Variants in BRWD1 observed in about 807,000 individuals in gnomAD.
BRWD1 encodes bromodomain and WD repeat-containing protein 1.
In BRWD1, 82 loss-of-function variants were observed where a neutral mutation model predicts 251.2. The observed-to-expected ratio is 0.33, with a 90% CI of 0.27 to 0.39. The LOEUF is 0.39. Among genes scored for constraint, BRWD1 ranks in the 10% least tolerant of loss-of-function variants. BRWD1 has a pLI of 1.00. For missense variants in BRWD1, 2,233 were observed against 2,711.6 expected (o/e 0.82, Z 3.92); for synonymous variants, 918 against 902.8 (o/e 1.02, Z -0.30).
intron 15 of BRWD1, among the ~76,000 whole-genome samples, chr21:39,266,225 A>G (rs1004666949): frequency 6.6e-6 from 1 of 152,174 alleles, no homozygotes; most frequent in Non-Finnish European, 1.5e-5. Context: ...AGTTACTCGG[A>G]TATTCAGAGG....
At chr21:39,224,705 AT>A (rs2033311528) in intron 28 of BRWD1, among the ~76,000 whole-genome samples, 1 of 152,214 alleles carries the variant, frequency 6.6e-6, no homozygotes, top group African/African-American at 2.4e-5. Flanking sequence ...AAGACAAGGC[AT>A]GAAGCCCTTG....
rs1160190967 is a variant in BRWD1, at chr21:39,212,669, C to T, written c.3897G>A (p.Arg1299=). 2 of 1,574,812 alleles carry T rather than the reference C, an allele frequency of 1.3e-6. No homozygotes were observed. The highest frequency in any genetic ancestry group is 8.7e-7 in the Non-Finnish European group (1 of 1,148,586). The change falls in exon 34 of 41, where the codon AGG becomes AGA. Residue 1299 remains arginine (R), a synonymous_variant. Coordinates refer to ENST00000342449, the MANE Select transcript of BRWD1 (RefSeq NM_033656.4). ...SDLPKTSSGR[R]RVHDGKKSIR... is the part of the protein sequence containing the mutation. The stretch of plus-strand genomic sequence containing the variant: ...TCAACCATGCAGAGTAACTTACTCT[C>T]CTCCTTCCAGAAGATGTTTTAGGAA...
intron 4 of BRWD1, among the ~76,000 whole-genome samples, chr21:39,311,123 G>A (rs369418989): frequency 6.6e-6 from 1 of 151,510 alleles, no homozygotes; most frequent in Non-Finnish European, 1.5e-5. Flanking sequence ...TAGTAAGTAG[G>A]GTTTTAAGCA....
In BRWD1 at chr21:39,187,768, G is replaced by C; in HGVS notation, c.*8491C>G. Reference sequence around the variant, plus strand: ...TAACTTCATTGTTCCAGTATTTTCTGACCTAGGTATGTGACACACGAGATT... The same window carrying C: ...TAACTTCATTGTTCCAGTATTTTCTCACCTAGGTATGTGACACACGAGATT... On this transcript the variant is annotated 3_prime_UTR_variant, in exon 41 of 41. Coordinates refer to ENST00000342449, the MANE Select transcript of BRWD1 (RefSeq NM_033656.4). The C allele has an allele frequency of 1.0e-6, 1 of 984,928 alleles. No individual in the cohort carries two copies. The highest frequency in any genetic ancestry group is 1.2e-6 in the Non-Finnish European group (1 of 829,616). 61.0% of individuals were successfully genotyped at this position (984,928 alleles called of 1,614,324 possible).
At chr21:39,292,075 G>C (rs1343885615) in intron 8 of BRWD1, among the ~76,000 whole-genome samples, 1 of 139,208 alleles carries the variant, frequency 7.2e-6, no homozygotes, top group South Asian at 2.4e-4. Flanking sequence ...CAGGAGTACC[G>C]AGACTACAGG....
At chr21:39,308,377 G>A (rs901688223) in intron 4 of BRWD1, among the ~76,000 whole-genome samples, 1 of 151,648 alleles carries the variant, frequency 6.6e-6, no homozygotes. Context: ...AGCTACTCAG[G>A]AGGCTGAGGC....
At chr21:39,219,775 T>C (rs374119602) in intron 29 of BRWD1, 97 of 152,358 alleles carry the variant, frequency 6.4e-4, no homozygotes, top group African/African-American at 2.3e-3. Flanking sequence ...AGCTGAGAGA[T>C]GGGAATTTTT....
chr21:39,226,315 C>G (rs1401908631), intron 27 of BRWD1, among the ~76,000 whole-genome samples: 3 of 152,090 alleles, frequency 2.0e-5, no homozygotes, highest in Non-Finnish European at 1.5e-5. Context: ...AAAATGAAAA[C>G]AAGCAACTTC....
intron 22 of BRWD1, 136 bp downstream of exon 22, chr21:39,238,343 G>T: frequency 5.6e-6 from 3 of 537,202 alleles, no homozygotes; most frequent in East Asian, 6.9e-5. Context: ...GTTGGATCTA[G>T]TTTTTGTCTC....
At chr21:39,208,014 CT>C (rs1455173542) in intron 36 of BRWD1, among the ~76,000 whole-genome samples, 3 of 152,100 alleles carry the variant, frequency 2.0e-5, no homozygotes, top group Non-Finnish European at 4.4e-5. Flanking sequence ...GAAATTACTG[CT>C]TGATGGTTAC....
intron 21 of BRWD1, 30 bp from the exon 22 acceptor site, chr21:39,238,603 G>T: frequency 6.7e-7 from 1 of 1,486,874 alleles, no homozygotes; most frequent in Non-Finnish European, 9.4e-7. Flanking sequence ...AAAAAATCTT[G>T]ATCCCTGAAG....
chr21:39,243,736 GA>G lies in BRWD1; in HGVS notation c.2481+3964del, dbSNP rs1568907545. Among the ~76,000 whole-genome samples the G allele has an allele frequency of 2.0e-5, 3 of 152,088 alleles. No individual in the cohort carries two copies. The East Asian group carries it at 5.8e-4, about 29-fold the overall frequency. ...AAAGTGCTGAGAATTACAGGCATGA[GA>G]CACTGCACCCAGCCTGATTTTGATA... On this transcript the variant is annotated intron_variant, in intron 21 of 40. Transcript: ENST00000342449.
chr21:39,293,254 G>A (rs781712693), intron 8 of BRWD1, among the ~76,000 whole-genome samples: 3 of 152,078 alleles, frequency 2.0e-5, no homozygotes, highest in Non-Finnish European at 4.4e-5. Flanking sequence ...CAGCACTTTG[G>A]GAGGCTGAGC....
chr21:39,216,036 A>G (rs2032877528), intron 31 of BRWD1, among the ~76,000 whole-genome samples: 1 of 152,146 alleles, frequency 6.6e-6, no homozygotes, highest in South Asian at 2.1e-4. Flanking sequence ...TAAGAGCTTC[A>G]GTTTCACTGT....
intron 39 of BRWD1, 36 bp from the exon 40 acceptor site, chr21:39,199,698 T>C: frequency 1.3e-6 from 2 of 1,496,978 alleles, no homozygotes; most frequent in Non-Finnish European, 1.8e-6. Flanking sequence ...TAAAAAGATT[T>C]TCCTTATTTC....
intron 4 of BRWD1, among the ~76,000 whole-genome samples, chr21:39,310,209 G>C (rs118131080): frequency 1.3e-5 from 2 of 152,120 alleles, no homozygotes; most frequent in African/African-American, 4.8e-5. Context: ...TAGCAAGTTA[G>C]TAACTTTCAA....
chr21:39,198,855 A>G lies in BRWD1; in HGVS notation c.5561T>C (p.Ile1854Thr), dbSNP rs968858816. 1.2e-6 allele frequency: 2 copies of G among 1,613,862 alleles called. No individual in the cohort carries two copies. Among genetic ancestry groups the G allele is most frequent in the Non-Finnish European group, 1.7e-6 (2 of 1,179,746 alleles). ...PISGNLNCDP[I>T]AMSQCSSDHG... ...ATCTGAGGAACACTGGGACATAGCA[A>G]TAGGGTCACAGTTCAGATTTCCTGA... Residue 1854 changes from isoleucine (I) to threonine (T), a missense_variant, in exon 40 of 41, where the codon ATT (isoleucine) becomes ACT (threonine). Ile to Thr is a moderately conservative substitution (Grantham distance 89). Coordinates refer to ENST00000342449, the MANE Select transcript of BRWD1 (RefSeq NM_033656.4).
Position 39,199,479 on chromosome 21 carries a change from A to C in BRWD1, c.4937T>G (p.Val1646Gly). Residue 1646 changes from valine (V) to glycine (G), a missense_variant, in exon 40 of 41, where the codon GTA becomes GGA. Physicochemically the swap from Val to Gly is moderately radical, Grantham distance 109. Transcript: ENST00000342449. ...ACTTTCAGAGCTAGAATTCTCTTCT[A>C]CATCACTCATTAGCTTTATTTTATT... ...AANKIKLMSD[V>G]EENSSSESVC... 1 of 1,614,212 alleles carries C rather than the reference A, an allele frequency of 6.2e-7. No individual in the cohort carries two copies. Among genetic ancestry groups the C allele is most frequent in the Non-Finnish European group, 8.5e-7 (1 of 1,180,032 alleles).
chr21:39,197,172 T>A lies in BRWD1; in HGVS notation c.5897A>T (p.His1966Leu). The A allele has an allele frequency of 6.2e-7, 1 of 1,614,162 alleles. No homozygotes were observed. The highest frequency in any genetic ancestry group is 8.5e-7 in the Non-Finnish European group (1 of 1,179,976). Reference sequence around the variant, plus strand: ...CTTCTTAGCTGTAGTACAAGCAAGATGGAGAGGTTTTTTCCTTCCATTTTT... The same window carrying A: ...CTTCTTAGCTGTAGTACAAGCAAGAAGGAGAGGTTTTTTCCTTCCATTTTT... ...RSKNGRKKPLHLACTTAKKKL... is the reference protein window; with the variant it reads ...RSKNGRKKPLLLACTTAKKKL... Residue 1966 changes from histidine to leucine, a missense_variant, in exon 41 of 41, where the codon CAT becomes CTT. By Grantham distance (99) the His-to-Leu change is moderately conservative. Around this residue, in one of 12 missense-constraint regions of BRWD1, gnomAD observed 928 missense variants for 970.0 expected, o/e 0.96. Transcript: ENST00000342449.
Sources: allele counts gnomAD v4.1 joint callset (sites outside exome capture counted in the v4.1 genomes callset), GRCh38; gene constraint gnomAD v4.1.1; regional missense constraint gnomAD v4.1.1; transcripts MANE v1.5; gene names NCBI Gene and HGNC (gene_info 2026-07-23, HGNC 2026-07-21).